GLI2: variants seen among roughly 807,000 people sequenced by gnomAD.
The protein encoded by GLI2 is GLI family zinc finger 2, also known as transcription activator GLI2.
Under a neutral mutation model 78.9 loss-of-function variants are expected in GLI2, and 22 were observed. The observed-to-expected ratio is 0.28, with a 90% CI of 0.20 to 0.40. GLI2 has a LOEUF of 0.40. Ranked by LOEUF, GLI2 falls within the 10% of genes least tolerant of loss-of-function variation. GLI2 has a pLI of 1.00. For synonymous variants in GLI2, 974 were observed against 963.7 expected, an observed-to-expected ratio of 1.01 and a Z score of -0.20; for missense variants, 2,097 against 2,213.2, an observed-to-expected ratio of 0.95 and a Z score of 1.05.
chr2:120,918,489 G>A (rs1679209227), intron 2 of GLI2, among the ~76,000 whole-genome samples: 1 of 145,926 alleles, frequency 6.9e-6, no homozygotes, highest in African/African-American at 2.6e-5. Context: ...CTCCCAGGCT[G>A]GAGTGCATTG....
At chr2:120,912,929 C>T (rs1456385044) in intron 2 of GLI2, among the ~76,000 whole-genome samples, 1 of 152,186 alleles carries the variant, frequency 6.6e-6, no homozygotes, top group Non-Finnish European at 1.5e-5. Flanking sequence ...TTGGGCGGGG[C>T]ACCGGCCTCA....
At chr2:120,962,539 C>T (rs1681619714) in intron 5 of GLI2, among the ~76,000 whole-genome samples, 1 of 152,194 alleles carries the variant, frequency 6.6e-6, no homozygotes, top group South Asian at 2.1e-4. Context: ...GGTCCAGAGG[C>T]AGGTGGTGTT....
chr2:120,744,475 C>A (rs907668506), intron 1 of GLI2, among the ~76,000 whole-genome samples: 3 of 152,186 alleles, frequency 2.0e-5, no homozygotes, highest in Non-Finnish European at 4.4e-5. Context: ...ATAGTTGGAA[C>A]AGGATTGTAG....
chr2:120,891,429 C>T (rs1256265676), intron 2 of GLI2, among the ~76,000 whole-genome samples: 1 of 152,172 alleles, frequency 6.6e-6, no homozygotes, highest in African/African-American at 2.4e-5. Flanking sequence ...CAAAAAGGGA[C>T]CCTACCTTAT....
In GLI2 at chr2:120,737,508, A is replaced by G. The variant is rs558724156; in HGVS notation, c.-31+1223A>G. Among the ~76,000 whole-genome samples, 1 of 152,082 alleles carries G rather than the reference A, an allele frequency of 6.6e-6. No individual in the cohort carries two copies. The highest frequency in any genetic ancestry group is 2.4e-5 in the African/African-American group (1 of 41,484). ...CAGCTGGAAAAGTAGACCTGTCCCTACTGTCTGGTCCCGCGCCCTGGGAGT... is the reference window on the plus strand; with the variant it reads ...CAGCTGGAAAAGTAGACCTGTCCCTGCTGTCTGGTCCCGCGCCCTGGGAGT... On this transcript the variant is annotated intron_variant, in intron 1 of 13. Coordinates refer to ENST00000361492, the MANE Select transcript of GLI2 (RefSeq NM_001374353.1). The surrounding 1 kb of genome is among the most constrained non-coding windows in gnomAD (Gnocchi z 4.3).
rs545448336 is a variant in GLI2 at position 120,762,741 on chromosome 2, A to G, written c.-31+26456A>G. ...TCTTCGACCATCCCACCATCCCACC[A>G]TGAAAGGAAGGCCTGCAGAGACGTG... On this transcript the variant is annotated intron_variant, in intron 1 of 13. Coordinates refer to ENST00000361492, the MANE Select transcript of GLI2 (RefSeq NM_001374353.1). 6.2e-4 allele frequency among the ~76,000 whole-genome samples: 95 copies of G among 152,210 alleles called. 1 individual carries two copies. The highest frequency in any genetic ancestry group is 1.7e-3 in the African/African-American group (71 of 41,536).
At chr2:120,856,237 AG>A (rs1404229670) in intron 2 of GLI2, among the ~76,000 whole-genome samples, 1 of 152,176 alleles carries the variant, frequency 6.6e-6, no homozygotes, top group African/African-American at 2.4e-5. Flanking sequence ...GATGCCAGCC[AG>A]GAGGGAGTGA....
intron 2 of GLI2, among the ~76,000 whole-genome samples, chr2:120,839,480 TTATAAC>T (rs1198854286): frequency 6.6e-6 from 1 of 152,230 alleles, no homozygotes; most frequent in African/African-American, 2.4e-5. Context: ...GCAGCAGTGT[TTATAAC>T]TATATCCCCT....
chr2:120,794,793 A>C (rs1684309380), intron 1 of GLI2, among the ~76,000 whole-genome samples: 1 of 152,114 alleles, frequency 6.6e-6, no homozygotes, highest in Non-Finnish European at 1.5e-5. Flanking sequence ...GCGGATTTTA[A>C]AGTGGGCTTA....
At chr2:120,951,491 C>T in intron 4 of GLI2, 46 bp downstream of exon 4, 1 of 1,261,902 alleles carries the variant, frequency 7.9e-7, no homozygotes, top group Non-Finnish European at 1.1e-6. Flanking sequence ...GGCACTGGGG[C>T]AGGGCGCAGC....
chr2:120,866,590 C>G (rs1344197092), intron 2 of GLI2: 1 of 151,858 alleles, frequency 6.6e-6, no homozygotes, highest in Admixed American at 6.6e-5. Context: ...ATGTCTCCTG[C>G]CATCCCCCAC....
chr2:120,936,364 G>A (rs1048120966), intron 3 of GLI2, among the ~76,000 whole-genome samples: 6 of 152,192 alleles, frequency 3.9e-5, no homozygotes, highest in Non-Finnish European at 8.8e-5. Context: ...TAGAAGGAAA[G>A]CCAAGTTTCA....
intron 2 of GLI2, among the ~76,000 whole-genome samples, chr2:120,891,230 T>C (rs12478509): frequency 0.22 from 32,773 of 151,964 alleles, 5,251 homozygotes; most frequent in African/African-American, 0.45. Flanking sequence ...GTCTGGTGGA[T>C]AAAGAAGAAA....
chr2:120,795,525 A>T, intron 1 of GLI2, among the ~76,000 whole-genome samples: 1 of 109,622 alleles, frequency 9.1e-6, no homozygotes, highest in East Asian at 2.4e-4. Flanking sequence ...TCTATCTAAA[A>T]TAAAAAAATG....
At chr2:120,915,753 C>T (rs1288489402) in intron 2 of GLI2, among the ~76,000 whole-genome samples, 2 of 152,126 alleles carry the variant, frequency 1.3e-5, no homozygotes, top group Non-Finnish European at 2.9e-5. Flanking sequence ...TCCCTGGCAG[C>T]CTCTCCCAGC....
chr2:120,824,508 T>A (rs1685943843), intron 2 of GLI2, among the ~76,000 whole-genome samples: 1 of 152,220 alleles, frequency 6.6e-6, no homozygotes, highest in African/African-American at 2.4e-5. Flanking sequence ...GGCTCAGAGA[T>A]GGCAGAATGG....
At position 120,978,594 on chromosome 2, in the gene GLI2, T is replaced by G. The variant is rs1218489104; in HGVS notation, c.1467+11T>G. The stretch of plus-strand genomic sequence containing the variant: ...CCCCACAAGTGCACGGTGAGTGGCC[T>G]TCTCCCCACCCCCGCCGCAGCATCA... On this transcript the variant is annotated intron_variant, in intron 10 of 13. Transcript: ENST00000361492. 1.2e-6 allele frequency: 2 copies of G among 1,611,910 alleles called. No homozygotes were observed. Among genetic ancestry groups the G allele is most frequent in the Admixed American group, 3.3e-5 (2 of 59,884 alleles).
At chr2:120,780,123 A>G (rs1026219231) in intron 1 of GLI2, among the ~76,000 whole-genome samples, 2 of 151,482 alleles carry the variant, frequency 1.3e-5, no homozygotes, top group African/African-American at 2.4e-5. Flanking sequence ...TCAGAAAGGC[A>G]TCTATTACTC....
intron 2 of GLI2, among the ~76,000 whole-genome samples, chr2:120,865,845 G>A (rs895165379): frequency 2.0e-5 from 3 of 152,212 alleles, no homozygotes; most frequent in East Asian, 3.9e-4. Flanking sequence ...TTTGCCATGC[G>A]TCCCACTCCG....
Sources: allele counts gnomAD v4.1 joint callset (sites outside exome capture counted in the v4.1 genomes callset), GRCh38; gene constraint gnomAD v4.1.1; non-coding constraint Gnocchi (gnomAD v3.1); transcripts MANE v1.5; gene names NCBI Gene and HGNC (gene_info 2026-07-23, HGNC 2026-07-21).